CBR4: variants seen among roughly 807,000 people sequenced by gnomAD.
CBR4 encodes carbonyl reductase 4, also known as 3-oxoacyl-[acyl-carrier-protein] reductase.
In CBR4, 22 loss-of-function variants were observed where a neutral mutation model predicts 21.0. The observed-to-expected ratio is 1.05, with a 90% CI of 0.75 to 1.50. The LOEUF is 1.50. Among genes scored for constraint, CBR4 ranks in the 40% most tolerant of loss-of-function variants. CBR4 has a pLI of 0.00. For missense variants in CBR4, 302 were observed against 286.3 expected (o/e 1.05, Z -0.40); for synonymous variants, 100 against 104.4 (o/e 0.96, Z 0.26).
Position 168,962,544 on chromosome 4 carries a change from T to C in CBR4, n.169+39527A>G, listed in dbSNP as rs137955884. Among the ~76,000 whole-genome samples the C allele has an allele frequency of 4.8e-3, 735 of 152,294 alleles. 7 individuals are homozygous for C. Among genetic ancestry groups the C allele is most frequent in the Admixed American group, 5.4e-3 (83 of 15,298 alleles). On this transcript the variant is annotated intron_variant and non_coding_transcript_variant, in intron 2 of 3. Transcript: ENST00000509108. ...AAATAATTGAGAGTGAATATTAAGA[T>C]TAAGAACACAGAAGAATTGCTGGTT... is the stretch of plus-strand genomic sequence containing the variant.
intron 2 of CBR4, among the ~76,000 whole-genome samples, chr4:169,007,146 A>G (rs2126874875): frequency 6.6e-6 from 1 of 152,316 alleles, no homozygotes; most frequent in Middle Eastern, 3.4e-3. Context: ...TTAACCCCTA[A>G]AAAGTAGTAA....
chr4:168,940,284 TTAACTC>T (rs1192501450), intron 2 of CBR4, among the ~76,000 whole-genome samples: 2 of 152,066 alleles, frequency 1.3e-5, no homozygotes, highest in Non-Finnish European at 2.9e-5. Flanking sequence ...TATACAAAAA[TTAACTC>T]AAGAGGAATT....
At chr4:168,923,703 CTATT>C (rs1762025697) in intron 2 of CBR4, among the ~76,000 whole-genome samples, 1 of 152,148 alleles carries the variant, frequency 6.6e-6, no homozygotes, top group South Asian at 2.1e-4. Flanking sequence ...TTACAGGTAA[CTATT>C]TAAAGCTGCC....
chr4:168,923,631 T>C (rs963280492), intron 2 of CBR4, among the ~76,000 whole-genome samples: 1 of 152,154 alleles, frequency 6.6e-6, no homozygotes, highest in Admixed American at 6.6e-5. Flanking sequence ...TAATAAAGCT[T>C]TTTTATAACC....
Position 168,921,604 on chromosome 4 carries a change from A to C in CBR4, n.170-26839T>G. The C allele has an allele frequency of 6.2e-7, 1 of 1,610,784 alleles. No individual in the cohort carries two copies. Among genetic ancestry groups the C allele is most frequent in the Non-Finnish European group, 8.5e-7 (1 of 1,179,540 alleles). On this transcript the variant is annotated intron_variant and non_coding_transcript_variant, in intron 2 of 3. Coordinates refer to the CBR4 transcript ENST00000509108. ...AAGCCCGTACGCCCTGACAGTGCTC[A>C]CAAGATGCTGGTGCGTGAGAACGGG... is the stretch of plus-strand genomic sequence containing the variant.
intron 3 of CBR4, among the ~76,000 whole-genome samples, chr4:169,004,113 T>TA (rs959188351): frequency 4.0e-5 from 6 of 151,330 alleles, no homozygotes; most frequent in African/African-American, 1.2e-4. Flanking sequence ...AATAAAAAAA[T>TA]AAAAAAAATA....
intron 2 of CBR4, among the ~76,000 whole-genome samples, chr4:168,941,329 A>T (rs897201465): frequency 2.8e-4 from 43 of 152,284 alleles, no homozygotes; most frequent in African/African-American, 4.1e-4. Flanking sequence ...CAATAAAAAA[A>T]TTTTTTTAAA....
chr4:168,943,379 C>A (rs1205486854), intron 2 of CBR4, among the ~76,000 whole-genome samples: 1 of 152,200 alleles, frequency 6.6e-6, no homozygotes, highest in Non-Finnish European at 1.5e-5. Flanking sequence ...CTATCAATAA[C>A]CAAGGAACTC....
chr4:168,920,045 TC>T (rs1334502728), intron 2 of CBR4, among the ~76,000 whole-genome samples: 1 of 152,186 alleles, frequency 6.6e-6, no homozygotes, highest in African/African-American at 2.4e-5. Flanking sequence ...TTATCTAGGA[TC>T]TAACCTGGTA....
chr4:168,947,806 AT>A (rs1224147115), intron 2 of CBR4, among the ~76,000 whole-genome samples: 11 of 152,072 alleles, frequency 7.2e-5, no homozygotes, highest in Non-Finnish European at 1.6e-4. Flanking sequence ...TGGTTCCACG[AT>A]TTTGCAATTG....
intron 2 of CBR4, among the ~76,000 whole-genome samples, chr4:168,947,560 C>G (rs566179416): frequency 7.9e-5 from 12 of 152,262 alleles, no homozygotes; most frequent in Admixed American, 6.5e-4. Flanking sequence ...CCCCAAGTCC[C>G]CTAAGTCCAC....
rs867981350 is a variant in CBR4, at chr4:168,933,140, G to A, written n.170-38375C>T. ...ACAACCGGAAAACCATCAATAAAAC[G>A]ACAAGAGTTAAGTCCTCACCTACCA... On this transcript the variant is annotated intron_variant and non_coding_transcript_variant, in intron 2 of 3. Transcript: ENST00000509108. Among the ~76,000 whole-genome samples the A allele has an allele frequency of 2.1e-4, 32 of 152,158 alleles. 1 individual carries two copies. Among genetic ancestry groups the A allele is most frequent in the Middle Eastern group, 3.4e-3 (1 of 294 alleles).
intron 2 of CBR4, among the ~76,000 whole-genome samples, chr4:168,910,705 T>C (rs1305987290): frequency 1.3e-5 from 2 of 152,086 alleles, no homozygotes; most frequent in Admixed American, 6.5e-5. Context: ...GAAGGAAACT[T>C]AGAAAGATTA....
At chr4:168,944,015 C>T (rs1388066305) in intron 2 of CBR4, among the ~76,000 whole-genome samples, 1 of 152,156 alleles carries the variant, frequency 6.6e-6, no homozygotes, top group African/African-American at 2.4e-5. Flanking sequence ...TACAAGATTT[C>T]AAGCAATCAA....
In CBR4 at chr4:169,010,155, C is replaced by T; in HGVS notation, c.-66G>A. The T allele has an allele frequency of 1.6e-6, 2 of 1,259,314 alleles. No homozygotes were observed. Among genetic ancestry groups the T allele is most frequent in the South Asian group, 3.9e-5 (2 of 50,948 alleles). The allele number at this position is 1,259,314 out of a possible 1,614,324, so 78.0% of individuals were successfully genotyped here. ...GAGCCCCTCTCCAGGTTCCCTCAGG[C>T]TTTTAAACAACCGCGGTTCCAAAAA... On this transcript the variant is annotated 5_prime_UTR_variant, in exon 1 of 5. Transcript: ENST00000306193.
intron 2 of CBR4, chr4:168,925,182 TTTTA>T (rs770156286): frequency 2.5e-5 from 40 of 1,583,938 alleles, no homozygotes; most frequent in South Asian, 2.0e-4. Flanking sequence ...AACTATTGTG[TTTTA>T]TTTGTCAAAA....
intron 2 of CBR4, among the ~76,000 whole-genome samples, chr4:168,909,783 A>G (rs559762988): frequency 2.3e-4 from 35 of 152,316 alleles, no homozygotes; most frequent in Admixed American, 2.2e-3. Flanking sequence ...TGTCAAAAAT[A>G]GTATGTTCAG....
chr4:168,966,356 C>CA (rs1215042926), intron 2 of CBR4, among the ~76,000 whole-genome samples: 6,535 of 75,094 alleles, frequency 0.087, 277 homozygotes, highest in African/African-American at 0.13. Context: ...ACTAAAAATA[C>CA]AAAAAAAAAA....
chr4:168,917,539 T>C (rs1423734777), intron 2 of CBR4, among the ~76,000 whole-genome samples: 1 of 152,244 alleles, frequency 6.6e-6, no homozygotes, highest in African/African-American at 2.4e-5. Context: ...CCCTGTTTAC[T>C]GATCTTAAAT....
Sources: allele counts gnomAD v4.1 joint callset (sites outside exome capture counted in the v4.1 genomes callset), GRCh38; gene constraint gnomAD v4.1.1; transcripts MANE v1.5; gene names NCBI Gene and HGNC (gene_info 2026-07-23, HGNC 2026-07-21).